The following RFC1 variants were observed in gnomAD, a reference collection of about 807,000 sequenced individuals.
RFC1 encodes the protein A1 140 kDa subunit.
A neutral mutation model predicts 137.4 loss-of-function variants in RFC1; 37 were observed. The ratio of observed to expected loss-of-function variants is 0.27; its 90% CI spans 0.21 to 0.35. The LOEUF is 0.35. Ranked by LOEUF, RFC1 falls within the 10% of genes least tolerant of loss-of-function variation. The pLI is 1.00. For synonymous variants in RFC1, 429 were observed against 455.7 expected (o/e 0.94, Z 0.75); for missense variants, 1,205 against 1,358.5 (o/e 0.89, Z 1.78).
chr4:39,343,159 A>C (rs1289340442), intron 3 of RFC1, among the ~76,000 whole-genome samples: 2 of 152,102 alleles, frequency 1.3e-5, no homozygotes, highest in African/African-American at 4.8e-5. Context: ...AGTAGCTGGG[A>C]CTACAGGCGC....
At chr4:39,341,084 G>A (rs1740583319) in intron 4 of RFC1, among the ~76,000 whole-genome samples, 1 of 152,196 alleles carries the variant, frequency 6.6e-6, no homozygotes, top group Admixed American at 6.5e-5. Context: ...AGTCCCATGT[G>A]AAAGAAAATC....
intron 3 of RFC1, among the ~76,000 whole-genome samples, chr4:39,343,763 T>A (rs903891568): frequency 6.6e-6 from 1 of 152,214 alleles, no homozygotes; most frequent in Admixed American, 6.5e-5. Flanking sequence ...GAACCTTTGA[T>A]AGTACTGTGA....
At chr4:39,295,542 C>T (rs1312223160) in intron 22 of RFC1, 72 bp downstream of exon 22, 4 of 1,257,050 alleles carry the variant, frequency 3.2e-6, no homozygotes, top group African/African-American at 1.5e-5. Context: ...TTTTGACTCA[C>T]ATGATCATTA....
chr4:39,352,721 ACT>A (rs1317840594), intron 1 of RFC1, among the ~76,000 whole-genome samples: 4 of 152,032 alleles, frequency 2.6e-5, no homozygotes, highest in Admixed American at 2.6e-4. Flanking sequence ...TTACTGAAAC[ACT>A]CTGTTTATCA....
chr4:39,345,496 A>G lies in RFC1; in HGVS notation c.133-20T>C. ...ATTTACCTATAAACATCACAATATAATTAGAACATAAAGAAGCCTATATAA... is the reference window on the plus strand; with the variant it reads ...ATTTACCTATAAACATCACAATATAGTTAGAACATAAAGAAGCCTATATAA... On this transcript the variant is annotated intron_variant, in intron 2 of 24. Coordinates refer to ENST00000349703, the MANE Select transcript of RFC1 (RefSeq NM_002913.5). 6.3e-7 allele frequency: 1 copy of G among 1,575,626 alleles called. No individual in the cohort carries two copies. The highest frequency in any genetic ancestry group is 8.7e-7 in the Non-Finnish European group (1 of 1,155,006).
chr4:39,353,144 T>C (rs758813997), intron 1 of RFC1, among the ~76,000 whole-genome samples: 1 of 152,118 alleles, frequency 6.6e-6, no homozygotes, highest in Non-Finnish European at 1.5e-5. Flanking sequence ...CTCATGCCTA[T>C]AATCCCAGTA....
chr4:39,341,684 A>G (rs1254039683), intron 4 of RFC1: 2 of 456,098 alleles, frequency 4.4e-6, no homozygotes, highest in Admixed American at 2.3e-5. Context: ...TAACAACATT[A>G]CAATCAAAAT....
chr4:39,319,332 A>G (rs1457944214), intron 9 of RFC1, among the ~76,000 whole-genome samples: 1 of 152,208 alleles, frequency 6.6e-6, no homozygotes, highest in Non-Finnish European at 1.5e-5. Context: ...ACTGCTTCAG[A>G]GGACCTGAGT....
chr4:39,360,487 G>A (rs528816380), intron 1 of RFC1, among the ~76,000 whole-genome samples: 165 of 151,878 alleles, frequency 1.1e-3, no homozygotes, highest in Non-Finnish European at 2.1e-3. Flanking sequence ...CTGGGTGACA[G>A]GGCGAGACTC....
intron 1 of RFC1, among the ~76,000 whole-genome samples, chr4:39,359,588 C>T (rs1009453055): frequency 6.6e-6 from 1 of 152,080 alleles, no homozygotes; most frequent in South Asian, 2.1e-4. Context: ...TTTAGGAGGC[C>T]GAGGCGGGTG....
Position 39,321,389 on chromosome 4 carries a change from A to G in RFC1, c.721-15T>C, listed in dbSNP as rs201957047. 16 of 1,608,722 alleles carry G rather than the reference A, an allele frequency of 9.9e-6. No homozygotes were observed. The Admixed American group carries it at 2.2e-4, about 22-fold the overall frequency. ...TCCTTTCGAGCCTAAACAAATTTTA[A>G]AAGTGTCAAATGTGACAAATAATAG... On this transcript the variant is annotated splice_polypyrimidine_tract_variant and intron_variant, in intron 7 of 24. Transcript: ENST00000349703.
intron 1 of RFC1, among the ~76,000 whole-genome samples, chr4:39,365,831 C>T (rs1741995395): frequency 6.6e-6 from 1 of 152,204 alleles, no homozygotes; most frequent in Non-Finnish European, 1.5e-5. Context: ...AAGTTTGTTA[C>T]ATTCTTCTCC....
rs1021081163 is a variant in RFC1 at position 39,305,018 on chromosome 4, T to C, written c.1996-90A>G. On this transcript the variant is annotated intron_variant, in intron 14 of 24. Coordinates refer to ENST00000349703, the MANE Select transcript of RFC1 (RefSeq NM_002913.5). ...AAGGCCAGTTAAGAAAGAAAGAAGG[T>C]ACAAAATTAATATAAAAACCCATAG... The C allele has an allele frequency of 3.8e-6, 3 of 779,792 alleles. No individual in the cohort carries two copies. In the East Asian group the frequency reaches 7.3e-5, roughly 19 times the overall value. 48.3% of individuals were successfully genotyped at this position (779,792 alleles called of 1,614,324 possible).
chr4:39,326,422 T>C (rs1280855582), intron 6 of RFC1, 141 bp downstream of exon 6: 2 of 597,884 alleles, frequency 3.3e-6, no homozygotes, highest in Non-Finnish European at 5.9e-6. Flanking sequence ...ATTTATCTTG[T>C]ATAGAAATTT....
At chr4:39,333,855 G>A (rs3796515) in intron 4 of RFC1, among the ~76,000 whole-genome samples, 64,169 of 151,912 alleles carry the variant, frequency 0.42, 16,247 homozygotes, top group East Asian at 0.63. Context: ...TATAATTTCT[G>A]AGAAAAATTT....
chr4:39,316,908 C>A lies in RFC1; in HGVS notation c.1203+7G>T. ...CACAGAATGGCATGCCCTCTCAGTA[C>A]TCTTACCTTTGGTATTTCTTTGGAG... On this transcript the variant is annotated splice_region_variant and intron_variant, in intron 10 of 24. Transcript: ENST00000349703. 2.5e-6 allele frequency: 4 copies of A among 1,595,998 alleles called. No homozygotes were observed. Among genetic ancestry groups the A allele is most frequent in the Middle Eastern group, 1.7e-4 (1 of 6,028 alleles).
chr4:39,315,230 G>A (rs191266183), intron 10 of RFC1, among the ~76,000 whole-genome samples: 276 of 152,236 alleles, frequency 1.8e-3, no homozygotes, highest in Non-Finnish European at 2.9e-3. Context: ...AACAATTTCC[G>A]GTCTTCCCTT....
chr4:39,328,000 G>A (rs1212706438), intron 4 of RFC1, among the ~76,000 whole-genome samples: 3 of 152,090 alleles, frequency 2.0e-5, no homozygotes, highest in African/African-American at 7.2e-5. Flanking sequence ...GCCAGGCATG[G>A]TGGTACACAC....
In RFC1 at chr4:39,357,180, G is replaced by T. The variant is rs907170873; in HGVS notation, c.4-5704C>A. ...AAGAACAGAAGAAATAAAGCACACT[G>T]AGGGAACAGAAATAGAGAATAGAAA... On this transcript the variant is annotated intron_variant, in intron 1 of 24. Coordinates refer to ENST00000349703, the MANE Select transcript of RFC1 (RefSeq NM_002913.5). Among the ~76,000 whole-genome samples, 4 of 152,282 alleles carry T rather than the reference G, an allele frequency of 2.6e-5. No homozygotes were observed. The Middle Eastern group carries it at 0.01, about 388-fold the overall frequency.
Sources: gnomAD v4.1 joint callset for allele counts (sites outside exome capture counted in the v4.1 genomes callset) on GRCh38, gnomAD v4.1.1 for gene constraint, MANE v1.5 for transcripts, NCBI Gene and HGNC (gene_info 2026-07-23, HGNC 2026-07-21) for gene names.